The following EPB41L4A variants were observed in gnomAD, a reference collection of about 807,000 sequenced individuals.
EPB41L4A encodes the protein band 4.1-like protein 4A.
A neutral mutation model predicts 108.6 loss-of-function variants in EPB41L4A; 100 were observed. The ratio of observed to expected loss-of-function variants is 0.92; its 90% CI spans 0.78 to 1.09. EPB41L4A has a LOEUF of 1.09. Among genes scored for constraint, EPB41L4A ranks in the 50% least tolerant of loss-of-function variants. The pLI is 0.00. For synonymous variants in EPB41L4A, 319 were observed against 289.0 expected (o/e 1.10, Z -1.05); for missense variants, 1,030 against 842.7 (o/e 1.22, Z -2.75).
intron 2 of EPB41L4A, among the ~76,000 whole-genome samples, chr5:112,298,538 C>T (rs1357690275): frequency 2.0e-5 from 3 of 152,148 alleles, no homozygotes; most frequent in Non-Finnish European, 4.4e-5. Flanking sequence ...ATGAAACACA[C>T]TTGATTATGG....
chr5:112,232,130 G>A (rs10068315), intron 12 of EPB41L4A, among the ~76,000 whole-genome samples: 33,837 of 130,044 alleles, frequency 0.26, 4,984 homozygotes, highest in Non-Finnish European at 0.35. Context: ...AAAAAAAAAA[G>A]AGAGAGAGAG....
At chr5:112,391,581 T>A (rs747150356) in intron 1 of EPB41L4A, among the ~76,000 whole-genome samples, 34 of 151,920 alleles carry the variant, frequency 2.2e-4, no homozygotes, top group South Asian at 6.3e-4. Flanking sequence ...TGGGACTATG[T>A]GAAAAGACCA....
rs1430410553 is a variant in EPB41L4A, at chr5:112,164,797, G to A, written c.*193C>T. 8.6e-6 allele frequency: 4 copies of A among 464,174 alleles called. No homozygotes were observed. The highest frequency in any genetic ancestry group is 1.4e-5 in the Non-Finnish European group (4 of 281,376). 28.8% of individuals were successfully genotyped at this position (464,174 alleles called of 1,614,324 possible). A position where few individuals can be genotyped will look rare whatever the true frequency, so the allele number is the denominator to read the frequency against. On this transcript the variant is annotated 3_prime_UTR_variant, in exon 23 of 23. Transcript: ENST00000261486. ...TGCGGTGAGCTGACACGGTGCCGCT[G>A]CACTCCAGCCTGGGCGACAGAGTGA... is the stretch of plus-strand genomic sequence containing the variant.
rs2150264421 is a variant in EPB41L4A at position 112,194,809 on chromosome 5, CAGTA to C, written c.1425-168_1425-165del. 4 of 499,074 alleles carry C rather than the reference CAGTA, an allele frequency of 8.0e-6. No individual in the cohort carries two copies. The East Asian group carries it at 1.4e-4, about 17-fold the overall frequency. The allele number at this position is 499,074 out of a possible 1,614,324, so 30.9% of individuals were successfully genotyped here. ...CTCTCCAAGTCAGTGTTTCTGAACT[CAGTA>C]AGACATCTGACTGAGTCTATAGCTC... On this transcript the variant is annotated intron_variant, in intron 16 of 22. Coordinates refer to ENST00000261486, the MANE Select transcript of EPB41L4A (RefSeq NM_022140.5).
intron 11 of EPB41L4A, among the ~76,000 whole-genome samples, chr5:112,236,537 T>G (rs575022885): frequency 1.5e-4 from 23 of 152,356 alleles, no homozygotes; most frequent in African/African-American, 5.5e-4. Context: ...TATTTCCTTG[T>G]AGCAGAAAGT....
intron 2 of EPB41L4A, among the ~76,000 whole-genome samples, chr5:112,300,012 CT>C (rs1215624992): frequency 3.9e-5 from 6 of 152,078 alleles, no homozygotes; most frequent in Non-Finnish European, 8.8e-5. Flanking sequence ...TTTTCCATCC[CT>C]TTATCTCAAG....
At chr5:112,390,904 C>A (rs1760892025) in intron 1 of EPB41L4A, among the ~76,000 whole-genome samples, 1 of 152,208 alleles carries the variant, frequency 6.6e-6, no homozygotes, top group African/African-American at 2.4e-5. Context: ...GTTCTGCAGC[C>A]TCTGCTGGTG....
intron 2 of EPB41L4A, among the ~76,000 whole-genome samples, chr5:112,289,589 T>A (rs1383173274): frequency 6.6e-6 from 1 of 152,138 alleles, no homozygotes; most frequent in East Asian, 1.9e-4. Flanking sequence ...CTGGTATCCT[T>A]CCCTCCCTTT....
intron 1 of EPB41L4A, among the ~76,000 whole-genome samples, chr5:112,378,035 C>G (rs1365637502): frequency 6.6e-6 from 1 of 152,116 alleles, no homozygotes; most frequent in Non-Finnish European, 1.5e-5. Flanking sequence ...AAGATGCAAC[C>G]TTGGTTTTCT....
Position 112,298,106 on chromosome 5 carries a change from G to A in EPB41L4A, c.204+9280C>T, listed in dbSNP as rs141517877. On this transcript the variant is annotated intron_variant, in intron 2 of 22. Transcript: ENST00000261486. ...TTTTGCTTAGTCTCACTTTGGCTACGCAGGCTCTTTTTTGGTTCCATATGA... is the reference window on the plus strand; with the variant it reads ...TTTTGCTTAGTCTCACTTTGGCTACACAGGCTCTTTTTTGGTTCCATATGA... Among the ~76,000 whole-genome samples the A allele has an allele frequency of 7.6e-4, 116 of 152,126 alleles. 2 individuals carry two copies. Among genetic ancestry groups the A allele is most frequent in the African/African-American group, 2.1e-3 (86 of 41,502 alleles).
downstream of EPB41L4A, among the ~76,000 whole-genome samples, chr5:112,160,035 C>T (rs1017738750): frequency 6.6e-6 from 1 of 151,122 alleles, no homozygotes; most frequent in African/African-American, 2.4e-5. Context: ...CTCAGCCTCC[C>T]AAGTAGCTGG....
intron 1 of EPB41L4A, among the ~76,000 whole-genome samples, chr5:112,312,683 A>AT (rs1755126919): frequency 6.6e-6 from 1 of 152,154 alleles, no homozygotes; most frequent in South Asian, 2.1e-4. Flanking sequence ...GTGGAGGTAC[A>AT]TATCACCAGC....
chr5:112,408,210 G>A (rs1762191943), intron 1 of EPB41L4A, among the ~76,000 whole-genome samples: 1 of 152,086 alleles, frequency 6.6e-6, no homozygotes, highest in African/African-American at 2.4e-5. Flanking sequence ...AATGAAGAAT[G>A]GGTCATAGAC....
At chr5:112,201,088 G>A (rs531752747) in intron 15 of EPB41L4A, among the ~76,000 whole-genome samples, 49 of 152,328 alleles carry the variant, frequency 3.2e-4, no homozygotes, top group South Asian at 1.2e-3. Context: ...TATGTGTGAA[G>A]ATAAAAAAGA....
intron 12 of EPB41L4A, among the ~76,000 whole-genome samples, chr5:112,146,703 C>T (rs1759273033): frequency 6.6e-6 from 1 of 152,174 alleles, no homozygotes; most frequent in Non-Finnish European, 1.5e-5. Context: ...AGCTGCCTAA[C>T]CACAGAAGAA....
chr5:112,295,306 G>A (rs1246917238), intron 2 of EPB41L4A, among the ~76,000 whole-genome samples: 7 of 152,202 alleles, frequency 4.6e-5, no homozygotes, highest in Non-Finnish European at 1.0e-4. Context: ...AGATGGTGTT[G>A]CCATTCACTA....
chr5:112,240,618 GA>G, intron 10 of EPB41L4A, 100 bp downstream of exon 10: 1 of 641,930 alleles, frequency 1.6e-6, no homozygotes, highest in South Asian at 2.3e-5. Flanking sequence ...TAATAAAAGG[GA>G]AACAATTCCA....
intron 1 of EPB41L4A, among the ~76,000 whole-genome samples, chr5:112,386,890 G>A (rs1031463969): frequency 6.6e-6 from 1 of 152,166 alleles, no homozygotes; most frequent in African/African-American, 2.4e-5. Flanking sequence ...AGATGGTGAT[G>A]GTCGATCCTT....
chr5:112,170,891 T>C (rs776399469), intron 19 of EPB41L4A, 54 bp downstream of exon 19: 50 of 1,518,102 alleles, frequency 3.3e-5, no homozygotes, highest in Admixed American at 2.2e-4. Flanking sequence ...TTCCTTGCAA[T>C]TGCATTAAAA....
Sources: gnomAD v4.1 joint callset for allele counts (sites outside exome capture counted in the v4.1 genomes callset) on GRCh38, gnomAD v4.1.1 for gene constraint, MANE v1.5 for transcripts, NCBI Gene and HGNC (gene_info 2026-07-23, HGNC 2026-07-21) for gene names.